The following ZFPM1 variants were observed in gnomAD, a reference collection of about 807,000 sequenced individuals.
The protein encoded by ZFPM1 is zinc finger protein, FOG family member 1.
Under a neutral mutation model 46.3 loss-of-function variants are expected in ZFPM1, and 28 were observed. The observed-to-expected ratio is 0.60, with a 90% CI of 0.45 to 0.83. The LOEUF is 0.83. ZFPM1 is among the 40% of genes least tolerant of loss of function. ZFPM1 has a pLI of 0.00. For missense variants in ZFPM1, 1,878 were observed against 1,432.4 expected, an observed-to-expected ratio of 1.31 and a Z score of -5.02; for synonymous variants, 957 against 675.9, an observed-to-expected ratio of 1.42 and a Z score of -6.45.
intron 1 of ZFPM1, among the ~76,000 whole-genome samples, chr16:88,464,796 C>T (rs1428867599): frequency 6.6e-6 from 1 of 152,146 alleles, no homozygotes; most frequent in African/African-American, 2.4e-5. Flanking sequence ...GGCCCCATTA[C>T]TGCGCCAAGA....
In ZFPM1 at chr16:88,534,589, C is replaced by G; in HGVS notation, c.2631C>G (p.His877Gln). ...GDLLEHFRLAHGLLLGAPLAG... is the reference protein window; with the variant it reads ...GDLLEHFRLAQGLLLGAPLAG... Reference sequence around the variant, plus strand: ...TGCTGGAGCATTTCCGCCTGGCGCACGGCCTGCTGCTCGGCGCGCCCCTGG... The same window carrying G: ...TGCTGGAGCATTTCCGCCTGGCGCAGGGCCTGCTGCTCGGCGCGCCCCTGG... Residue 877 changes from histidine to glutamine, a missense_variant, in exon 10 of 10, where the codon CAC becomes CAG. Coordinates refer to ENST00000319555, the MANE Select transcript of ZFPM1 (RefSeq NM_153813.3). 1 of 1,253,250 alleles carries G rather than the reference C, an allele frequency of 8.0e-7. No individual in the cohort carries two copies. The highest frequency in any genetic ancestry group is 1.0e-6 in the Non-Finnish European group (1 of 996,610). 77.6% of individuals were successfully genotyped at this position (1,253,250 alleles called of 1,614,324 possible). A position where few individuals can be genotyped will look rare whatever the true frequency, so the allele number is the denominator to read the frequency against.
chr16:88,508,257 G>A (rs769156159), intron 3 of ZFPM1, among the ~76,000 whole-genome samples: 10 of 152,084 alleles, frequency 6.6e-5, no homozygotes, highest in South Asian at 2.1e-4. Context: ...AGATTGCACC[G>A]CTGCACTCCA....
chr16:88,533,496 C>G lies in ZFPM1; in HGVS notation c.1538C>G (p.Pro513Arg). The change falls in exon 10 of 10, where the codon CCG becomes CGG. Residue 513 changes from proline (P) to arginine (R), a missense_variant. Pro to Arg is a moderately radical substitution (Grantham distance 103, BLOSUM62 -2). Transcript: ENST00000319555. ...TCCAGCCCCACGCCGGGCTCCAGCCCGGTGCCCGGCGAGCTGGGCCTGGCC... is the reference window on the plus strand; with the variant it reads ...TCCAGCCCCACGCCGGGCTCCAGCCGGGTGCCCGGCGAGCTGGGCCTGGCC... ...ELSSPTPGSS[P>R]VPGELGLAGA... The G allele has an allele frequency of 1.4e-6, 2 of 1,400,978 alleles. No individual in the cohort carries two copies. The highest frequency in any genetic ancestry group is 1.8e-6 in the Non-Finnish European group (2 of 1,083,106). 86.8% of individuals were successfully genotyped at this position (1,400,978 alleles called of 1,614,324 possible). A position where few individuals can be genotyped will look rare whatever the true frequency, so the allele number is the denominator to read the frequency against.
At chr16:88,496,588 AC>A (rs974057167) in intron 3 of ZFPM1, among the ~76,000 whole-genome samples, 1 of 151,306 alleles carries the variant, frequency 6.6e-6, no homozygotes, top group African/African-American at 2.4e-5. Flanking sequence ...TGAAGCCCCC[AC>A]CTGGGGGCTT....
At chr16:88,521,390 G>A (rs749280086) in intron 4 of ZFPM1, among the ~76,000 whole-genome samples, 2 of 151,996 alleles carry the variant, frequency 1.3e-5, no homozygotes, top group African/African-American at 2.4e-5. Context: ...GGTTTCAGAG[G>A]ACTGCTCAGA....
At chr16:88,508,499 G>A (rs1304097548) in intron 3 of ZFPM1, among the ~76,000 whole-genome samples, 7 of 152,190 alleles carry the variant, frequency 4.6e-5, no homozygotes, top group Non-Finnish European at 1.0e-4. Flanking sequence ...CACAGGCCTT[G>A]GGCTCCACGT....
intron 1 of ZFPM1, among the ~76,000 whole-genome samples, chr16:88,485,229 T>C (rs1398594142): frequency 6.6e-6 from 1 of 152,084 alleles, no homozygotes; most frequent in Non-Finnish European, 1.5e-5. Context: ...CACTCGCAGC[T>C]CCAGGGCTGC....
chr16:88,516,867 G>T (rs969435517), intron 4 of ZFPM1, among the ~76,000 whole-genome samples: 1 of 152,198 alleles, frequency 6.6e-6, no homozygotes, highest in African/African-American at 2.4e-5. Flanking sequence ...CAGGCCTGGG[G>T]CTTGCTCACA....
chr16:88,488,983 C>T (rs1010769793), intron 2 of ZFPM1, 48 bp from the exon 3 acceptor site: 7 of 1,582,182 alleles, frequency 4.4e-6, no homozygotes, highest in Admixed American at 1.7e-5. Flanking sequence ...AGGGGCAGCT[C>T]AGTGCCCGGC....
At chr16:88,528,286 G>T in intron 6 of ZFPM1, 48 bp downstream of exon 6, 1 of 1,531,648 alleles carries the variant, frequency 6.5e-7, no homozygotes, top group South Asian at 1.2e-5. Context: ...CACCAAGGAG[G>T]AGCAGGCAGG....
At chr16:88,481,467 C>A (rs1908935464) in intron 1 of ZFPM1, among the ~76,000 whole-genome samples, 1 of 151,350 alleles carries the variant, frequency 6.6e-6, no homozygotes, top group Admixed American at 6.6e-5. Flanking sequence ...GACAGGGCAG[C>A]TCGCAAGTCG....
intron 3 of ZFPM1, among the ~76,000 whole-genome samples, chr16:88,500,454 C>T (rs1356293808): frequency 6.6e-6 from 1 of 152,366 alleles, no homozygotes; most frequent in Non-Finnish European, 1.5e-5. Context: ...CCACTACACC[C>T]GTGTCACCAC....
intron 3 of ZFPM1, among the ~76,000 whole-genome samples, chr16:88,511,916 G>C (rs924230393): frequency 6.6e-6 from 1 of 152,168 alleles, no homozygotes; most frequent in Non-Finnish European, 1.5e-5. Flanking sequence ...TTGTCATGGT[G>C]ACCATTGCCC....
At chr16:88,452,406 C>T (rs1907316230), upstream of ZFPM1, among the ~76,000 whole-genome samples, 2 of 152,352 alleles carry the variant, frequency 1.3e-5, no homozygotes, top group South Asian at 4.1e-4. Flanking sequence ...CGTGGGTCTC[C>T]TGCGGGGCGC....
chr16:88,533,470 GTCCAGCCCCACGCCGGGC>G lies in ZFPM1; in HGVS notation c.1521_1538del (p.Thr508_Pro513del), dbSNP rs1201170143. The G allele has an allele frequency of 2.1e-6, 3 of 1,415,280 alleles. No homozygotes were observed. The highest frequency in any genetic ancestry group is 2.7e-6 in the Non-Finnish European group (3 of 1,092,552). 87.7% of individuals were successfully genotyped at this position (1,415,280 alleles called of 1,614,324 possible). ...CCCCGGCCAGGGTCAAGGCCGAGCT[GTCCAGCCCCACGCCGGGC>G]TCCAGCCCGGTGCCCGGCGAGCTGG... On this transcript the variant is annotated inframe_deletion, in exon 10 of 10. Transcript: ENST00000319555.
intron 1 of ZFPM1, among the ~76,000 whole-genome samples, chr16:88,473,238 C>T (rs921666145): frequency 1.3e-5 from 2 of 152,248 alleles, no homozygotes; most frequent in Non-Finnish European, 2.9e-5. Flanking sequence ...TCCTGGCCCC[C>T]GGGAATCTCC....
At position 88,534,678 on chromosome 16, in the gene ZFPM1, C is replaced by T; in HGVS notation, c.2720C>T (p.Ala907Val). The change falls in exon 10 of 10, where the codon GCC becomes GTC. Residue 907 changes from alanine (A) to valine (V), a missense_variant. Physicochemically the swap from Ala to Val is moderately conservative, Grantham distance 64. Coordinates refer to ENST00000319555, the MANE Select transcript of ZFPM1 (RefSeq NM_153813.3). ...DRGPSPAPAP[A>V]ASPQPGSRGP... ...GGCCCCTCGCCCGCTCCCGCCCCCG[C>T]CGCCTCCCCGCAGCCCGGGTCCCGT... 2.0e-6 allele frequency: 2 copies of T among 991,344 alleles called. No homozygotes were observed. The highest frequency in any genetic ancestry group is 2.4e-6 in the Non-Finnish European group (2 of 835,586). 61.4% of individuals were successfully genotyped at this position (991,344 alleles called of 1,614,324 possible).
chr16:88,491,949 G>A (rs1909604932), intron 3 of ZFPM1, among the ~76,000 whole-genome samples: 1 of 152,168 alleles, frequency 6.6e-6, no homozygotes, highest in Non-Finnish European at 1.5e-5. Context: ...TGGCCCCAAG[G>A]GCAGTGCCCA....
At position 88,534,706 on chromosome 16, in the gene ZFPM1, C is replaced by CCCCCGGGACGGCCTCGGCCCGGAG; in HGVS notation, c.2753_2776dup (p.Arg918_Pro925dup). ...CCTCCCCGCAGCCCGGGTCCCGTGG[C>CCCCCGGGACGGCCTCGGCCCGGAG]CCCCGGGACGGCCTCGGCCCGGAGC... On this transcript the variant is annotated inframe_insertion, in exon 10 of 10. Coordinates refer to ENST00000319555, the MANE Select transcript of ZFPM1 (RefSeq NM_153813.3). The CCCCCGGGACGGCCTCGGCCCGGAG allele has an allele frequency of 1.0e-6, 1 of 979,272 alleles. No individual in the cohort carries two copies. Among genetic ancestry groups the CCCCCGGGACGGCCTCGGCCCGGAG allele is most frequent in the Non-Finnish European group, 1.2e-6 (1 of 825,862 alleles). 60.7% of individuals were successfully genotyped at this position (979,272 alleles called of 1,614,324 possible).
Sources: gnomAD v4.1 joint callset for allele counts (sites outside exome capture counted in the v4.1 genomes callset) on GRCh38, gnomAD v4.1.1 for gene constraint, MANE v1.5 for transcripts, NCBI Gene and HGNC (gene_info 2026-07-23, HGNC 2026-07-21) for gene names.